AK5: variants seen among roughly 807,000 people sequenced by gnomAD.
AK5 encodes the protein adenylate kinase isoenzyme 5.
A neutral mutation model predicts 69.5 loss-of-function variants in AK5; 27 were observed. The ratio of observed to expected loss-of-function variants is 0.39; its 90% CI spans 0.29 to 0.54. AK5 has a LOEUF of 0.54. Ranked by LOEUF, AK5 falls within the 20% of genes least tolerant of loss-of-function variation. The pLI is 0.71. For synonymous variants in AK5, 260 were observed against 244.4 expected, an observed-to-expected ratio of 1.06 and a Z score of -0.60; for missense variants, 531 against 700.4, an observed-to-expected ratio of 0.76 and a Z score of 2.73.
intron 6 of AK5, among the ~76,000 whole-genome samples, chr1:77,394,647 AT>A (rs1052347231): frequency 3.4e-4 from 51 of 152,106 alleles, no homozygotes; most frequent in African/African-American, 1.2e-3. Flanking sequence ...AGTTTTTGTA[AT>A]GAATTAATTA....
At chr1:77,508,307 T>C (rs1557643467) in intron 10 of AK5, among the ~76,000 whole-genome samples, 1 of 152,140 alleles carries the variant, frequency 6.6e-6, no homozygotes. Context: ...TGGGGAATTT[T>C]CTAAAACTAT....
intron 8 of AK5, among the ~76,000 whole-genome samples, chr1:77,437,348 C>A (rs987513090): frequency 6.6e-6 from 1 of 151,996 alleles, no homozygotes; most frequent in Non-Finnish European, 1.5e-5. Flanking sequence ...ATGAATACAT[C>A]GAAGCAGATT....
At chr1:77,391,495 G>GTATGTGTA (rs1553144161) in intron 6 of AK5, among the ~76,000 whole-genome samples, 5 of 63,452 alleles carry the variant, frequency 7.9e-5, no homozygotes, top group African/African-American at 2.6e-4. Flanking sequence ...GTGTGTGTGT[G>GTATGTGTA]TATATATATA....
rs557757697 is a variant in AK5 at position 77,475,378 on chromosome 1, TTA to T, written c.1060-7931_1060-7930del. Reference sequence around the variant, plus strand: ...TATATTATATATATACAAATATATATTATATATATGTATATATATAATATATA... The same window carrying T: ...TATATTATATATATACAAATATATATTATATATGTATATATATAATATATA... On this transcript the variant is annotated intron_variant, in intron 8 of 13. Coordinates refer to ENST00000354567, the MANE Select transcript of AK5 (RefSeq NM_174858.3). Among the ~76,000 whole-genome samples the T allele has an allele frequency of 6.9e-4, 68 of 98,484 alleles. 2 individuals are homozygous for T. Among genetic ancestry groups the T allele is most frequent in the South Asian group, 2.2e-3 (7 of 3,140 alleles). 64.6% of individuals were successfully genotyped at this position (98,484 alleles called of 152,430 possible).
chr1:77,482,865 A>G (rs1216504499), intron 8 of AK5, among the ~76,000 whole-genome samples: 2 of 151,772 alleles, frequency 1.3e-5, no homozygotes, highest in East Asian at 3.9e-4. Flanking sequence ...ACTGTTTCCA[A>G]CCCCAGCTTT....
intron 6 of AK5, among the ~76,000 whole-genome samples, chr1:77,388,567 T>TTTG (rs3032910): frequency 0.34 from 51,667 of 151,080 alleles, 10,015 homozygotes; most frequent in Non-Finnish European, 0.44. Context: ...TTTTGGTTGT[T>TTTG]TTGTTGTTGT....
intron 13 of AK5, among the ~76,000 whole-genome samples, chr1:77,558,043 T>A (rs778683302): frequency 8.6e-5 from 13 of 151,046 alleles, no homozygotes; most frequent in Non-Finnish European, 1.5e-4. Context: ...TATTTAAGTT[T>A]AGTGCTGAAT....
intron 10 of AK5, among the ~76,000 whole-genome samples, chr1:77,511,662 A>G (rs1657353809): frequency 6.6e-6 from 1 of 152,252 alleles, no homozygotes; most frequent in African/African-American, 2.4e-5. Context: ...AGCATGACTC[A>G]GTTGGCTCAG....
chr1:77,479,011 G>C (rs181588995), intron 8 of AK5, among the ~76,000 whole-genome samples: 3 of 151,012 alleles, frequency 2.0e-5, no homozygotes, highest in African/African-American at 7.3e-5. Flanking sequence ...GGTCTTGATT[G>C]ACTGGAAGAT....
chr1:77,498,755 A>T (rs181210872), intron 10 of AK5, among the ~76,000 whole-genome samples: 2 of 152,332 alleles, frequency 1.3e-5, no homozygotes, highest in Admixed American at 1.3e-4. Context: ...GAGGATGAGG[A>T]TGGGTTCAGA....
intron 6 of AK5, among the ~76,000 whole-genome samples, chr1:77,388,754 A>G (rs1323753922): frequency 6.6e-6 from 1 of 152,032 alleles, no homozygotes. Flanking sequence ...TATGGAAAAA[A>G]AAAAAAAAGA....
intron 7 of AK5, among the ~76,000 whole-genome samples, chr1:77,416,460 G>C (rs10873938): frequency 0.064 from 9,687 of 152,248 alleles, 387 homozygotes; most frequent in Middle Eastern, 0.1. Context: ...GGTTTAGTAT[G>C]TCCATTTTGA....
chr1:77,508,664 C>T (rs531293154), intron 10 of AK5, among the ~76,000 whole-genome samples: 1 of 151,964 alleles, frequency 6.6e-6, no homozygotes, highest in Non-Finnish European at 1.5e-5. Context: ...GTCAGGAGTT[C>T]GAGACCAGCC....
intron 8 of AK5, among the ~76,000 whole-genome samples, chr1:77,458,481 T>G (rs1390903840): frequency 6.6e-6 from 1 of 152,188 alleles, no homozygotes; most frequent in Non-Finnish European, 1.5e-5. Flanking sequence ...AAGACATACC[T>G]GAGACTGATC....
At chr1:77,418,655 A>G (rs1196111214) in intron 8 of AK5, among the ~76,000 whole-genome samples, 2 of 152,244 alleles carry the variant, frequency 1.3e-5, no homozygotes, top group Non-Finnish European at 2.9e-5. Flanking sequence ...AAAAAGAAAA[A>G]TGTCCAAAAC....
chr1:77,551,224 AACACAC>A lies in AK5; in HGVS notation c.1621-7359_1621-7354del, dbSNP rs3077617. On this transcript the variant is annotated intron_variant, in intron 13 of 13. Transcript: ENST00000354567. ...GCATTCAGAAATCCAGGCCTTTCCC[AACACAC>A]ACACACACACACACACACCTTCTAT... Among the ~76,000 whole-genome samples the A allele has an allele frequency of 1.3e-3, 193 of 149,976 alleles. 1 individual carries two copies. Among genetic ancestry groups the A allele is most frequent in the African/African-American group, 4.4e-3 (178 of 40,902 alleles).
chr1:77,433,767 A>C (rs1651787070), intron 8 of AK5, among the ~76,000 whole-genome samples: 1 of 151,966 alleles, frequency 6.6e-6, no homozygotes, highest in African/African-American at 2.4e-5. Flanking sequence ...AATGTTTCAA[A>C]TAAATAGGCT....
At chr1:77,344,778 C>A (rs1222496831) in intron 6 of AK5, among the ~76,000 whole-genome samples, 1 of 150,988 alleles carries the variant, frequency 6.6e-6, no homozygotes, top group Admixed American at 6.6e-5. Context: ...TGAATAAGTT[C>A]TTTAGCGGTG....
intron 6 of AK5, among the ~76,000 whole-genome samples, chr1:77,406,841 C>T (rs954317616): frequency 6.6e-6 from 1 of 152,022 alleles, no homozygotes; most frequent in African/African-American, 2.4e-5. Flanking sequence ...CTTTGCTCAA[C>T]AGTGGGGAAT....
Sources: allele counts gnomAD v4.1 joint callset (sites outside exome capture counted in the v4.1 genomes callset), GRCh38; gene constraint gnomAD v4.1.1; transcripts MANE v1.5; gene names NCBI Gene and HGNC (gene_info 2026-07-23, HGNC 2026-07-21).